RSPH14: variants seen among roughly 807,000 people sequenced by gnomAD.
RSPH14 encodes the protein radial spoke head 14 homolog, also known as rhabdoid tumor deletion region gene 1.
In RSPH14, 20 loss-of-function variants were observed where a neutral mutation model predicts 26.7. The ratio of observed to expected loss-of-function variants is 0.75; its 90% CI spans 0.53 to 1.09. The LOEUF is 1.09. RSPH14 is among the 50% of genes least tolerant of loss of function. The pLI is 0.00. For missense variants in RSPH14, 449 were observed against 457.2 expected, an observed-to-expected ratio of 0.98 and a Z score of 0.16; for synonymous variants, 177 against 189.3, an observed-to-expected ratio of 0.93 and a Z score of 0.53.
chr22:23,155,877 C>G, the RSPH14 span: 1 of 1,228,574 alleles, frequency 8.1e-7, no homozygotes, highest in Non-Finnish European at 1.1e-6. Flanking sequence ...CCCTTAGGGT[C>G]TCCCACCCAT....
chr22:23,149,365 A>G (rs2070974995), upstream of RSPH14, among the ~76,000 whole-genome samples: 1 of 152,222 alleles, frequency 6.6e-6, no homozygotes. Flanking sequence ...TTCTAATTAC[A>G]GACCAGGTGA....
chr22:23,147,671 C>A (rs1210558826), upstream of RSPH14, among the ~76,000 whole-genome samples: 1 of 152,154 alleles, frequency 6.6e-6, no homozygotes, highest in Non-Finnish European at 1.5e-5. Flanking sequence ...GGCAGATATT[C>A]TGGCATGGGT....
At chr22:23,148,215 T>C (rs1171932225), upstream of RSPH14, among the ~76,000 whole-genome samples, 1 of 152,200 alleles carries the variant, frequency 6.6e-6, no homozygotes, top group African/African-American at 2.4e-5. Flanking sequence ...GAGAAAGGCT[T>C]TGTGTCTCAG....
At chr22:23,095,466 A>G in intron 4 of RSPH14, 1 of 549,296 alleles carries the variant, frequency 1.8e-6, no homozygotes, top group Non-Finnish European at 3.2e-6. Context: ...AGGGAGGTGG[A>G]GTGTCACTAG....
At chr22:23,087,502 G>A (rs529638227) in intron 4 of RSPH14, among the ~76,000 whole-genome samples, 4 of 152,286 alleles carry the variant, frequency 2.6e-5, no homozygotes, top group African/African-American at 7.2e-5. Flanking sequence ...CACCTTGCCC[G>A]CTGCCTAGAC....
At chr22:23,150,460 C>T in the RSPH14 span, among the ~76,000 whole-genome samples, 2 of 151,952 alleles carry the variant, frequency 1.3e-5, no homozygotes, top group African/African-American at 4.8e-5. Flanking sequence ...CGCCACCACG[C>T]CCGGCTAATT....
chr22:23,157,254 G>GTT, the RSPH14 span, among the ~76,000 whole-genome samples: 1 of 145,960 alleles, frequency 6.9e-6, no homozygotes, highest in Non-Finnish European at 1.5e-5. Flanking sequence ...GGACTAACAG[G>GTT]TTTTTTTTTT....
chr22:23,062,701 G>T (rs1266631452), intron 5 of RSPH14, among the ~76,000 whole-genome samples: 1 of 152,218 alleles, frequency 6.6e-6, no homozygotes, highest in African/African-American at 2.4e-5. Flanking sequence ...TGTGACACTG[G>T]GAGCCTTTCA....
intron 4 of RSPH14, among the ~76,000 whole-genome samples, chr22:23,099,435 G>A (rs1364108191): frequency 6.6e-6 from 1 of 152,382 alleles, no homozygotes; most frequent in East Asian, 1.9e-4. Context: ...CCAACACCCA[G>A]CTGGGGCTTC....
intron 4 of RSPH14, among the ~76,000 whole-genome samples, chr22:23,087,945 T>C (rs1178473596): frequency 6.6e-6 from 1 of 152,216 alleles, no homozygotes; most frequent in Non-Finnish European, 1.5e-5. Context: ...GTGGCTAATG[T>C]GAGTCCTACA....
At chr22:23,150,810 A>G in the RSPH14 span, among the ~76,000 whole-genome samples, 2 of 150,466 alleles carry the variant, frequency 1.3e-5, no homozygotes, top group Non-Finnish European at 3.0e-5. Context: ...GCCTTCTCTG[A>G]CCCCCCACTA....
intron 4 of RSPH14, among the ~76,000 whole-genome samples, chr22:23,125,346 A>G (rs1601846451): frequency 6.6e-6 from 1 of 151,898 alleles, no homozygotes; most frequent in East Asian, 1.9e-4. Context: ...GCTGTGCCAT[A>G]CCCTGGACCC....
intron 6 of RSPH14, 112 bp from the exon 7 acceptor site, chr22:23,059,830 T>C: frequency 8.2e-7 from 1 of 1,212,748 alleles, no homozygotes; most frequent in Non-Finnish European, 1.1e-6. Flanking sequence ...AAGGGGTTTA[T>C]GCCTGGTTTA....
chr22:23,089,932 A>C (rs1174053667), intron 4 of RSPH14, among the ~76,000 whole-genome samples: 1 of 152,136 alleles, frequency 6.6e-6, no homozygotes, highest in Non-Finnish European at 1.5e-5. Context: ...CTCTGGCCTG[A>C]GCACAGCCCA....
At chr22:23,126,894 G>A (rs1395213071) in intron 4 of RSPH14, among the ~76,000 whole-genome samples, 3 of 152,246 alleles carry the variant, frequency 2.0e-5, no homozygotes, top group African/African-American at 7.2e-5. Flanking sequence ...CACCCTGGTG[G>A]TGCAATGGGT....
upstream of RSPH14, chr22:23,145,400 GCGC>G (rs750707648): frequency 6.2e-7 from 1 of 1,609,430 alleles, no homozygotes; most frequent in Non-Finnish European, 8.5e-7. Context: ...ATGCTTGGAC[GCGC>G]CGCTGCCAGT....
chr22:23,091,271 C>T (rs914143473), intron 4 of RSPH14, among the ~76,000 whole-genome samples: 1 of 152,234 alleles, frequency 6.6e-6, no homozygotes, highest in African/African-American at 2.4e-5. Flanking sequence ...CACATCCATG[C>T]ACCTGCACTC....
chr22:23,065,715 C>T (rs2068196207), intron 4 of RSPH14, among the ~76,000 whole-genome samples: 2 of 152,130 alleles, frequency 1.3e-5, no homozygotes, highest in Non-Finnish European at 2.9e-5. Context: ...TGGATTTCTT[C>T]ATCCATGTAA....
At chr22:23,072,246 G>A (rs1171871223) in intron 4 of RSPH14, among the ~76,000 whole-genome samples, 1 of 152,156 alleles carries the variant, frequency 6.6e-6, no homozygotes, top group East Asian at 1.9e-4. Context: ...CCTCTGGGAT[G>A]TGGATGTTTG....
Sources: gnomAD v4.1 joint callset for allele counts (sites outside exome capture counted in the v4.1 genomes callset) on GRCh38, gnomAD v4.1.1 for gene constraint, MANE v1.5 for transcripts, NCBI Gene and HGNC (gene_info 2026-07-23, HGNC 2026-07-21) for gene names.